The following GNAZ variants were observed in gnomAD, a reference collection of about 807,000 sequenced individuals.
GNAZ encodes the protein guanine nucleotide-binding protein G(z) subunit alpha.
In GNAZ, 3 loss-of-function variants were observed where a neutral mutation model predicts 25.4. The observed-to-expected ratio is 0.12, with a 90% CI of 0.05 to 0.30. GNAZ has a LOEUF of 0.30. Ranked by LOEUF, GNAZ falls within the 10% of genes least tolerant of loss-of-function variation. The probability of loss-of-function intolerance (pLI) is 1.00; values close to 1 mark genes in which losing one functional copy is unlikely to be tolerated. For missense variants in GNAZ, 241 were observed against 501.8 expected (o/e 0.48, Z 4.97); for synonymous variants, 211 against 205.7 (o/e 1.03, Z -0.22).
chr22:23,086,085 G>A (rs1180929934), intron 1 of GNAZ, among the ~76,000 whole-genome samples: 1 of 152,234 alleles, frequency 6.6e-6, no homozygotes, highest in Non-Finnish European at 1.5e-5. Context: ...GTCTACGGCG[G>A]GTGACCCTGG....
intron 1 of GNAZ, among the ~76,000 whole-genome samples, chr22:23,093,434 G>A (rs1481077260): frequency 6.6e-6 from 1 of 152,234 alleles, no homozygotes; most frequent in Admixed American, 6.5e-5. Flanking sequence ...AACGAGGCCA[G>A]GACGGGCCCT....
At chr22:23,111,553 A>C (rs1354431843) in intron 2 of GNAZ, among the ~76,000 whole-genome samples, 1 of 152,196 alleles carries the variant, frequency 6.6e-6, no homozygotes, top group East Asian at 1.9e-4. Flanking sequence ...AGAGACACCA[A>C]AGCACTCCAG....
At chr22:23,121,720 C>CTT (rs10598505) in intron 2 of GNAZ, among the ~76,000 whole-genome samples, 8 of 123,178 alleles carry the variant, frequency 6.5e-5, no homozygotes, top group Non-Finnish European at 1.0e-4. Context: ...AGAAAAGTTC[C>CTT]TTTTTTTTTT....
intron 1 of GNAZ, among the ~76,000 whole-genome samples, chr22:23,092,557 T>C (rs535696219): frequency 1.4e-3 from 207 of 152,304 alleles, no homozygotes; most frequent in African/African-American, 4.9e-3. Flanking sequence ...TTGGCCCTGA[T>C]GCATGTGATT....
rs1478092611 is a variant in GNAZ, at chr22:23,095,477, T to C, written c.-219T>C. Reference sequence around the variant, plus strand: ...AACTAGGGAGGTGGAGTGTCACTAGTGGGGAGGGGCGGCCACCGCCCGCTG... The same window carrying C: ...AACTAGGGAGGTGGAGTGTCACTAGCGGGGAGGGGCGGCCACCGCCCGCTG... On this transcript the variant is annotated 5_prime_UTR_variant, in exon 2 of 3. Coordinates refer to ENST00000615612, the MANE Select transcript of GNAZ (RefSeq NM_002073.4). 7.0e-6 allele frequency: 4 copies of C among 568,614 alleles called. No homozygotes were observed. Among genetic ancestry groups the C allele is most frequent in the Non-Finnish European group, 1.2e-5 (4 of 323,316 alleles). The allele number at this position is 568,614 out of a possible 1,614,324, so 35.2% of individuals were successfully genotyped here. A position where few individuals can be genotyped will look rare whatever the true frequency, so the allele number is the denominator to read the frequency against.
At chr22:23,085,639 C>T (rs1322047960) in intron 1 of GNAZ, among the ~76,000 whole-genome samples, 1 of 152,172 alleles carries the variant, frequency 6.6e-6, no homozygotes, top group Non-Finnish European at 1.5e-5. Flanking sequence ...GTTTATACCA[C>T]AGCCCAACAG....
At chr22:23,077,465 T>TGAG (rs2068538017) in intron 1 of GNAZ, among the ~76,000 whole-genome samples, 1 of 152,184 alleles carries the variant, frequency 6.6e-6, no homozygotes, top group Non-Finnish European at 1.5e-5. Context: ...AGCCTCCTCT[T>TGAG]GGATGTACAC....
At position 23,070,525 on chromosome 22, in the gene GNAZ, C is replaced by A; in HGVS notation, c.-495C>A. 6.6e-6 allele frequency: 1 copy of A among 151,324 alleles called. No individual in the cohort carries two copies. Among genetic ancestry groups the A allele is most frequent in the Non-Finnish European group, 1.5e-5 (1 of 67,788 alleles). 9.4% of individuals were successfully genotyped at this position (151,324 alleles called of 1,614,324 possible). A position where few individuals can be genotyped will look rare whatever the true frequency, so the allele number is the denominator to read the frequency against. Reference sequence around the variant, plus strand: ...GTGCTCGCCGCCCCGCCCCGCCCCGCCCTGCCCGGAGCAGCTCGGCAGATG... The same window carrying A: ...GTGCTCGCCGCCCCGCCCCGCCCCGACCTGCCCGGAGCAGCTCGGCAGATG... On this transcript the variant is annotated 5_prime_UTR_variant, in exon 1 of 3. Coordinates refer to ENST00000615612, the MANE Select transcript of GNAZ (RefSeq NM_002073.4).
At chr22:23,120,380 T>C (rs1275345554) in intron 2 of GNAZ, among the ~76,000 whole-genome samples, 1 of 152,090 alleles carries the variant, frequency 6.6e-6, no homozygotes, top group Admixed American at 6.6e-5. Context: ...CCACGTGGTC[T>C]ATCGGCCCCT....
chr22:23,079,036 G>C (rs1196816098), intron 1 of GNAZ, among the ~76,000 whole-genome samples: 1 of 152,198 alleles, frequency 6.6e-6, no homozygotes, highest in Non-Finnish European at 1.5e-5. Context: ...TCACTACGAG[G>C]GCCTGGGATT....
At chr22:23,094,500 T>C (rs955136402) in intron 1 of GNAZ, among the ~76,000 whole-genome samples, 5 of 152,208 alleles carry the variant, frequency 3.3e-5, no homozygotes, top group African/African-American at 1.2e-4. Flanking sequence ...GGAGCCACTG[T>C]GACATCTGGT....
chr22:23,072,160 G>A (rs535310241), intron 1 of GNAZ, among the ~76,000 whole-genome samples: 11 of 152,276 alleles, frequency 7.2e-5, no homozygotes, highest in Admixed American at 7.2e-4. Flanking sequence ...CAGGGCACTG[G>A]GTAACCACCC....
intron 2 of GNAZ, among the ~76,000 whole-genome samples, chr22:23,121,489 G>A (rs989818243): frequency 6.6e-6 from 1 of 152,152 alleles, no homozygotes; most frequent in Non-Finnish European, 1.5e-5. Flanking sequence ...CCTGGTTGTG[G>A]GGCTTGGAGC....
intron 2 of GNAZ, among the ~76,000 whole-genome samples, chr22:23,097,426 G>A (rs1247920248): frequency 6.6e-6 from 1 of 152,218 alleles, no homozygotes; most frequent in Non-Finnish European, 1.5e-5. Context: ...ATGGTGCTAG[G>A]AGCCTGAGTG....
intron 2 of GNAZ, among the ~76,000 whole-genome samples, chr22:23,114,790 C>T (rs1169156375): frequency 6.6e-6 from 1 of 152,238 alleles, no homozygotes; most frequent in Non-Finnish European, 1.5e-5. Flanking sequence ...GCAGCTGCCA[C>T]ACCGGCTCCA....
chr22:23,084,054 A>G (rs1186077582), intron 1 of GNAZ, among the ~76,000 whole-genome samples: 1 of 152,142 alleles, frequency 6.6e-6, no homozygotes, highest in Non-Finnish European at 1.5e-5. Context: ...GGGGTGAGCT[A>G]TGCAGGCGAT....
At chr22:23,120,922 TG>T (rs1331049672) in intron 2 of GNAZ, among the ~76,000 whole-genome samples, 2 of 152,226 alleles carry the variant, frequency 1.3e-5, no homozygotes, top group African/African-American at 4.8e-5. Flanking sequence ...ATGCAAAATT[TG>T]GGGTCAGAAG....
chr22:23,085,982 G>A (rs78125267), intron 1 of GNAZ, among the ~76,000 whole-genome samples: 2,563 of 152,368 alleles, frequency 0.017, 76 homozygotes, highest in African/African-American at 0.059. Flanking sequence ...TTAAGCAACA[G>A]CCAGTGGCCT....
intron 2 of GNAZ, among the ~76,000 whole-genome samples, chr22:23,114,324 G>A (rs1007742053): frequency 6.6e-6 from 1 of 152,248 alleles, no homozygotes; most frequent in African/African-American, 2.4e-5. Context: ...TTCTCAGTCT[G>A]TAACAGAACT....
Sources: gnomAD v4.1 joint callset for allele counts (sites outside exome capture counted in the v4.1 genomes callset) on GRCh38, gnomAD v4.1.1 for gene constraint, MANE v1.5 for transcripts, NCBI Gene and HGNC (gene_info 2026-07-23, HGNC 2026-07-21) for gene names.